The following AFF3 variants were observed in gnomAD, a reference collection of about 807,000 sequenced individuals.
The protein encoded by AFF3 is AF4/FMR2 family member 3.
In AFF3, 32 loss-of-function variants were observed where a neutral mutation model predicts 129.7. The observed-to-expected ratio is 0.25, with a 90% CI of 0.19 to 0.33. AFF3 has a LOEUF of 0.33. Among genes scored for constraint, AFF3 ranks in the 10% least tolerant of loss-of-function variants. The pLI is 1.00. For missense variants in AFF3, 1,373 were observed against 1,592.0 expected (o/e 0.86, Z 2.34); for synonymous variants, 644 against 635.4 (o/e 1.01, Z -0.20).
chr2:99,759,101 G>C (rs1020479843), intron 8 of AFF3, among the ~76,000 whole-genome samples: 7 of 152,072 alleles, frequency 4.6e-5, no homozygotes, highest in Non-Finnish European at 5.9e-5. Flanking sequence ...TTTGTGTCTT[G>C]AGGCTTTTGC....
intron 10 of AFF3, among the ~76,000 whole-genome samples, chr2:99,733,802 A>T (rs1680033388): frequency 6.6e-6 from 1 of 152,110 alleles, no homozygotes; most frequent in South Asian, 2.1e-4. Flanking sequence ...TTCATTGCTC[A>T]ATTTGTCTAT....
intron 22 of AFF3, among the ~76,000 whole-genome samples, chr2:99,556,941 T>C (rs1039460123): frequency 1.3e-5 from 2 of 152,046 alleles, no homozygotes; most frequent in Admixed American, 1.3e-4. Context: ...CCTTGAAACT[T>C]TGTATCCAAG....
At chr2:100,022,787 T>C (rs1178831204) in intron 4 of AFF3, among the ~76,000 whole-genome samples, 1 of 152,214 alleles carries the variant, frequency 6.6e-6, no homozygotes, top group East Asian at 1.9e-4. Flanking sequence ...TACAGGCAGC[T>C]AGCTCTGTGA....
At chr2:99,871,464 A>T (rs2105964097) in intron 7 of AFF3, among the ~76,000 whole-genome samples, 1 of 152,348 alleles carries the variant, frequency 6.6e-6, no homozygotes, top group South Asian at 2.1e-4. Flanking sequence ...TCGCGAAAAT[A>T]GATTAAAAAC....
At chr2:99,744,674 A>G (rs1680996795) in intron 9 of AFF3, among the ~76,000 whole-genome samples, 1 of 152,042 alleles carries the variant, frequency 6.6e-6, no homozygotes, top group Non-Finnish European at 1.5e-5. Context: ...TACTTAACAT[A>G]ATGTTTTTGA....
At chr2:100,126,991 T>C (rs17023526) in intron 2 of AFF3, among the ~76,000 whole-genome samples, 55,689 of 152,094 alleles carry the variant, frequency 0.37, 12,772 homozygotes, top group African/African-American at 0.65. Flanking sequence ...AATGAGCTGT[T>C]GGCTGCTCTG....
chr2:99,951,912 A>G (rs1676201851), intron 7 of AFF3, among the ~76,000 whole-genome samples: 1 of 152,144 alleles, frequency 6.6e-6, no homozygotes, highest in Admixed American at 6.5e-5. Context: ...TCCCATTACA[A>G]TAACTTTTGA....
intron 7 of AFF3, among the ~76,000 whole-genome samples, chr2:99,965,851 T>A (rs1348450670): frequency 6.6e-6 from 1 of 152,188 alleles, no homozygotes; most frequent in Non-Finnish European, 1.5e-5. Flanking sequence ...TCCAGTGTGA[T>A]CTTTCAAACC....
rs538524062 is a variant in AFF3 at position 99,758,314 on chromosome 2, G to A, written c.922-6013C>T. Among the ~76,000 whole-genome samples the A allele has an allele frequency of 8.5e-5, 13 of 152,318 alleles. No individual in the cohort carries two copies. In the East Asian group the frequency reaches 1.7e-3, roughly 20 times the overall value. ...TCTTCACATGCGGTCGGGCAGAGTG[G>A]CTCATGCCTGTAATCCCAGCACTAT... is the stretch of plus-strand genomic sequence containing the variant. On this transcript the variant is annotated intron_variant, in intron 8 of 24. Transcript: ENST00000672756.
intron 13 of AFF3, among the ~76,000 whole-genome samples, chr2:99,643,391 T>C (rs555404129): frequency 1.1e-3 from 162 of 152,246 alleles, no homozygotes; most frequent in African/African-American, 3.6e-3. Flanking sequence ...CCATATTGCT[T>C]TGGGGAGACC....
At chr2:99,931,594 T>G (rs1194886021) in intron 7 of AFF3, among the ~76,000 whole-genome samples, 2 of 152,210 alleles carry the variant, frequency 1.3e-5, no homozygotes, top group Non-Finnish European at 2.9e-5. Context: ...TACAATTCCT[T>G]TGCAGTTATT....
At chr2:99,950,367 G>GT (rs1419206658) in intron 7 of AFF3, among the ~76,000 whole-genome samples, 4 of 152,172 alleles carry the variant, frequency 2.6e-5, no homozygotes, top group African/African-American at 7.2e-5. Context: ...TTAAAGAAGA[G>GT]TAAGTATGTG....
chr2:99,958,581 T>C (rs1230713953), intron 7 of AFF3, among the ~76,000 whole-genome samples: 3 of 151,502 alleles, frequency 2.0e-5, no homozygotes, highest in Non-Finnish European at 2.9e-5. Context: ...AGCACCGTGA[T>C]GGGAAATGTA....
At chr2:100,075,725 G>A (rs1226318635) in intron 4 of AFF3, among the ~76,000 whole-genome samples, 1 of 152,128 alleles carries the variant, frequency 6.6e-6, no homozygotes, top group African/African-American at 2.4e-5. Context: ...ATAGGTTCTG[G>A]CCAAATTCCC....
intron 2 of AFF3, among the ~76,000 whole-genome samples, chr2:100,122,364 A>G (rs138447363): frequency 4.6e-4 from 70 of 152,346 alleles, no homozygotes; most frequent in Non-Finnish European, 8.2e-4. Flanking sequence ...AAATTTATTT[A>G]TTATCACCTT....
intron 11 of AFF3, among the ~76,000 whole-genome samples, chr2:99,722,112 C>T (rs1397605052): frequency 6.6e-6 from 1 of 152,050 alleles, no homozygotes; most frequent in Admixed American, 6.6e-5. Flanking sequence ...TATTGGTTTC[C>T]ATTATCCTGC....
At position 100,072,790 on chromosome 2, in the gene AFF3, C is replaced by T. The variant is rs555946789; in HGVS notation, c.53+31612G>A. Among the ~76,000 whole-genome samples, 229 of 152,292 alleles carry T rather than the reference C, an allele frequency of 1.5e-3. 3 individuals are homozygous for T. The highest frequency in any genetic ancestry group is 5.3e-3 in the African/African-American group (221 of 41,548). On this transcript the variant is annotated intron_variant, in intron 4 of 24. Coordinates refer to ENST00000672756, the MANE Select transcript of AFF3 (RefSeq NM_001386135.1). Reference sequence around the variant, plus strand: ...TGGGTCAACCAGTTTCCAAAATAACCTCATTGCTGTTTCTTCTCGTTTGTA... The same window carrying T: ...TGGGTCAACCAGTTTCCAAAATAACTTCATTGCTGTTTCTTCTCGTTTGTA...
chr2:99,907,479 A>C (rs1694796480), intron 7 of AFF3, among the ~76,000 whole-genome samples: 1 of 151,844 alleles, frequency 6.6e-6, no homozygotes, highest in South Asian at 2.1e-4. Flanking sequence ...TTAATGCTTC[A>C]CTGTGAATCA....
chr2:99,989,111 GAATTACAGA>G (rs1680121601), intron 7 of AFF3, among the ~76,000 whole-genome samples: 1 of 152,204 alleles, frequency 6.6e-6, no homozygotes, highest in Non-Finnish European at 1.5e-5. Flanking sequence ...TTAACTAACA[GAATTACAGA>G]GGAGAAGCCT....
Sources: gnomAD v4.1 joint callset for allele counts (sites outside exome capture counted in the v4.1 genomes callset) on GRCh38, gnomAD v4.1.1 for gene constraint, MANE v1.5 for transcripts, NCBI Gene and HGNC (gene_info 2026-07-23, HGNC 2026-07-21) for gene names.